Variants in MGA observed in about 807,000 individuals in gnomAD.
MGA encodes MAX gene-associated protein.
A neutral mutation model predicts 261.1 loss-of-function variants in MGA; 40 were observed. The observed-to-expected ratio is 0.15, with a 90% confidence interval of 0.12 to 0.20. The LOEUF is 0.20. MGA is among the 10% of genes least tolerant of loss of function. MGA has a pLI of 1.00. For missense variants in MGA, 3,397 were observed against 3,630.5 expected (o/e 0.94, Z 1.65); for synonymous variants, 1,302 against 1,290.6 (o/e 1.01, Z -0.19).
At chr15:41,744,842 TC>T (rs2062347374) in intron 15 of MGA, among the ~76,000 whole-genome samples, 1 of 152,228 alleles carries the variant, frequency 6.6e-6, no homozygotes, top group Admixed American at 6.5e-5. Context: ...TTTATTTTAA[TC>T]AACTGCTTTT....
At chr15:41,733,376 C>T (rs1287662838) in intron 11 of MGA, among the ~76,000 whole-genome samples, 1 of 152,120 alleles carries the variant, frequency 6.6e-6, no homozygotes, top group Non-Finnish European at 1.5e-5. Flanking sequence ...GCAGTCTGTC[C>T]AACCCATGGA....
At chr15:41,633,899 C>A (rs892772724) in intron 1 of MGA, among the ~76,000 whole-genome samples, 1 of 152,162 alleles carries the variant, frequency 6.6e-6, no homozygotes, top group African/African-American at 2.4e-5. Flanking sequence ...AGCTGCTCCC[C>A]TCTTACTTCT....
chr15:41,761,014 G>C (rs923086327), intron 20 of MGA, among the ~76,000 whole-genome samples: 2 of 152,118 alleles, frequency 1.3e-5, no homozygotes, highest in Admixed American at 6.5e-5. Context: ...CCAGTGATCC[G>C]CCCACCTCAG....
In MGA at chr15:41,633,352, G is replaced by GTTTTTTT. The variant is rs1566923971; in HGVS notation, c.-68+12055_-68+12056insTTTTTTT. Among the ~76,000 whole-genome samples, 4 of 93,984 alleles carry GTTTTTTT rather than the reference G, an allele frequency of 4.3e-5. 1 individual carries two copies. Among genetic ancestry groups the GTTTTTTT allele is most frequent in the Non-Finnish European group, 9.1e-5 (4 of 44,090 alleles). 61.7% of individuals were successfully genotyped at this position (93,984 alleles called of 152,430 possible). A position where few individuals can be genotyped will look rare whatever the true frequency, so the allele number is the denominator to read the frequency against. On this transcript the variant is annotated intron_variant, in intron 1 of 8. Transcript: ENST00000566718. ...CTCTTCCTGACATTGCCCTCCTATG[G>GTTTTTTT]TATTTTTTTTTTTTTTTTTGAGACA...
At chr15:41,681,067 T>G (rs754339841) in intron 2 of MGA, among the ~76,000 whole-genome samples, 2 of 152,096 alleles carry the variant, frequency 1.3e-5, no homozygotes, top group Admixed American at 6.6e-5. Context: ...ACCAAAGATT[T>G]TAGAAGCTTT....
At chr15:41,706,716 A>C (rs1002096672) in intron 5 of MGA, among the ~76,000 whole-genome samples, 1 of 151,592 alleles carries the variant, frequency 6.6e-6, no homozygotes, top group Admixed American at 6.6e-5. Flanking sequence ...GAGTAGCTAC[A>C]GGCACATGCC....
Position 41,717,126 on chromosome 15 carries a change from C to T in MGA, c.3430+3630C>T, listed in dbSNP as rs2060681636. 1.4e-5 allele frequency among the ~76,000 whole-genome samples: 2 copies of T among 146,776 alleles called. 1 individual carries two copies. The highest frequency in any genetic ancestry group is 4.4e-4 in the South Asian group (2 of 4,504). On this transcript the variant is annotated intron_variant, in intron 9 of 23. Coordinates refer to ENST00000219905, the MANE Select transcript of MGA (RefSeq NM_001164273.2). Reference sequence around the variant, plus strand: ...ATACTAAGTGAGTTGTAGGGGACTGCCAAGTCCTCATGCTTTTTCTGCCTT... The same window carrying T: ...ATACTAAGTGAGTTGTAGGGGACTGTCAAGTCCTCATGCTTTTTCTGCCTT...
rs1366898767 is a variant in MGA, at chr15:41,711,034, T to G, written c.2769T>G (p.Val923=). 6.2e-7 allele frequency: 1 copy of G among 1,614,018 alleles called. No homozygotes were observed. The highest frequency in any genetic ancestry group is 1.1e-5 in the South Asian group (1 of 91,086). The change falls in exon 8 of 24, where the codon GTT becomes GTG. Residue 923 remains valine, a synonymous_variant. Coordinates refer to ENST00000219905, the MANE Select transcript of MGA (RefSeq NM_001164273.2). ...ATAAATCCATTTTACCATACCCTGT[T>G]TCACCAAAGCAGAAATACTCTCATG...
chr15:41,713,365 A>G lies in MGA; in HGVS notation c.3299A>G (p.Gln1100Arg). Reference sequence around the variant, plus strand: ...GGAGGATCCAAAACTAAGCATTTTCAGAGGAAGGCTGCTCATCGAGATCCA... The same window carrying G: ...GGAGGATCCAAAACTAAGCATTTTCGGAGGAAGGCTGCTCATCGAGATCCA... The change falls in exon 9 of 24, where the codon CAG becomes CGG. Residue 1100 changes from glutamine (Q) to arginine (R), a missense_variant. Gln to Arg is a conservative substitution (Grantham distance 43). Transcript: ENST00000219905. 1 of 1,613,640 alleles carries G rather than the reference A, an allele frequency of 6.2e-7. No individual in the cohort carries two copies. The highest frequency in any genetic ancestry group is 8.5e-7 in the Non-Finnish European group (1 of 1,179,696).
intron 2 of MGA, among the ~76,000 whole-genome samples, chr15:41,680,580 C>G (rs1281918867): frequency 6.6e-6 from 1 of 152,146 alleles, no homozygotes; most frequent in African/African-American, 2.4e-5. Context: ...TTCACTAATT[C>G]ACTAGACTCA....
At position 41,749,181 on chromosome 15, in the gene MGA, C is replaced by A. The variant is rs1363122141; in HGVS notation, c.5574C>A (p.Ser1858=). ...AGACTCCGCCATCTTCCACTTCGTC[C>A]TCTGCTTTCTCTGTCATGAATCCTG... is the stretch of plus-strand genomic sequence containing the variant. Residue 1858 remains serine (S), a synonymous_variant, in exon 17 of 24, where the codon TCC becomes TCA. Coordinates refer to ENST00000219905, the MANE Select transcript of MGA (RefSeq NM_001164273.2). 1 of 1,613,998 alleles carries A rather than the reference C, an allele frequency of 6.2e-7. No individual in the cohort carries two copies. Among genetic ancestry groups the A allele is most frequent in the African/African-American group, 1.3e-5 (1 of 75,044 alleles).
chr15:41,748,501 A>C lies in MGA; in HGVS notation c.5213-136A>C, dbSNP rs1050670889. 5 of 905,670 alleles carry C rather than the reference A, an allele frequency of 5.5e-6. No homozygotes were observed. In the African/African-American group the frequency reaches 8.4e-5, roughly 15 times the overall value. 56.1% of individuals were successfully genotyped at this position (905,670 alleles called of 1,614,324 possible). A position where few individuals can be genotyped will look rare whatever the true frequency, so the allele number is the denominator to read the frequency against. ...CTAGGGAGGTGCGGAGGTTGTAGTC[A>C]GTCGAGGTTGTGTCATTGCACTCCA... On this transcript the variant is annotated intron_variant, in intron 15 of 23. Coordinates refer to ENST00000219905, the MANE Select transcript of MGA (RefSeq NM_001164273.2).
chr15:41,669,023 T>A lies in MGA; in HGVS notation c.129T>A (p.Thr43=). 6.2e-7 allele frequency: 1 copy of A among 1,613,690 alleles called. No homozygotes were observed. Among genetic ancestry groups the A allele is most frequent in the Non-Finnish European group, 8.5e-7 (1 of 1,179,606 alleles). The change falls in exon 2 of 24, where the codon ACT becomes ACA. Residue 43 remains threonine (T), a synonymous_variant. Coordinates refer to ENST00000219905, the MANE Select transcript of MGA (RefSeq NM_001164273.2). ...AAACTGATCAAGGAATTTTGGTTACTAATCAGGATGCCTGTGCTTTGGCTA... is the reference window on the plus strand; with the variant it reads ...AAACTGATCAAGGAATTTTGGTTACAAATCAGGATGCCTGTGCTTTGGCTA...
chr15:41,758,816 A>G (rs1415648432), intron 19 of MGA, among the ~76,000 whole-genome samples: 1 of 152,182 alleles, frequency 6.6e-6, no homozygotes, highest in African/African-American at 2.4e-5. Context: ...TTAAGCAAAC[A>G]GTGTCAGAAA....
At chr15:41,706,528 G>T (rs1396213349) in intron 5 of MGA, among the ~76,000 whole-genome samples, 1 of 150,680 alleles carries the variant, frequency 6.6e-6, no homozygotes, top group Non-Finnish European at 1.5e-5. Context: ...GGAAACTTAC[G>T]CCTGTGACTT....
Position 41,766,930 on chromosome 15 carries a change from A to G in MGA, c.8848A>G (p.Asn2950Asp), listed in dbSNP as rs754494396. The G allele has an allele frequency of 1.2e-6, 2 of 1,614,042 alleles. No homozygotes were observed. Among genetic ancestry groups the G allele is most frequent in the South Asian group, 2.2e-5 (2 of 91,088 alleles). Residue 2950 changes from asparagine (N) to aspartate (D), a missense_variant, in exon 24 of 24, where the codon AAT (asparagine) becomes GAT (aspartate). By Grantham distance (23) the Asn-to-Asp change is conservative. Coordinates refer to ENST00000219905, the MANE Select transcript of MGA (RefSeq NM_001164273.2). ...CAAGAAAGCTATTGATGGAGGGAAG[A>G]ATACTTCTGGCCTCCCTGCAGAGCC...
intron 3 of MGA, among the ~76,000 whole-genome samples, chr15:41,697,425 T>G (rs961959731): frequency 5.2e-4 from 78 of 150,086 alleles, no homozygotes; most frequent in Non-Finnish European, 8.5e-4. Flanking sequence ...TTTCTTTTTT[T>G]TTTTTTTTTG....
intron 2 of MGA, among the ~76,000 whole-genome samples, chr15:41,687,081 G>A (rs1436975676): frequency 6.6e-6 from 1 of 151,924 alleles, no homozygotes; most frequent in Non-Finnish European, 1.5e-5. Flanking sequence ...AAGCCACAGA[G>A]TTTTCTTGTT....
chr15:41,628,985 A>G (rs999719934), intron 1 of MGA, among the ~76,000 whole-genome samples: 2 of 151,620 alleles, frequency 1.3e-5, no homozygotes, highest in Admixed American at 1.3e-4. Flanking sequence ...TAAAAAATAC[A>G]AAAAAAATTA....
Sources: allele counts gnomAD v4.1 joint callset (sites outside exome capture counted in the v4.1 genomes callset), GRCh38; gene constraint gnomAD v4.1.1; transcripts MANE v1.5; gene names NCBI Gene and HGNC (gene_info 2026-07-23, HGNC 2026-07-21).